The following TRDN variants were observed in gnomAD, a reference collection of about 807,000 sequenced individuals.
The protein encoded by TRDN is triadin in skeletal muscle.
In TRDN, 161 loss-of-function variants were observed where a neutral mutation model predicts 149.7. That is an observed-to-expected ratio of 1.08 (90% CI 0.95 to 1.23). The LOEUF (loss-of-function observed/expected upper bound fraction) is 1.23, where lower values mean the gene tolerates loss of function less well. Among genes scored for constraint, TRDN ranks in the 50% most tolerant of loss-of-function variants. The probability of loss-of-function intolerance (pLI) is 0.00; values close to 1 mark genes in which losing one functional copy is unlikely to be tolerated. For synonymous variants in TRDN, 294 were observed against 250.5 expected (o/e 1.17, Z -1.64); for missense variants, 896 against 823.5 (o/e 1.09, Z -1.08).
At position 123,469,647 on chromosome 6, in the gene TRDN, AC is replaced by A. The variant is rs1252042713; in HGVS notation, c.854-4665del. The stretch of plus-strand genomic sequence containing the variant: ...TTTTCTTCCTTCCAGGGGCTTCTCA[AC>A]CCCAAGGCAACCATAAAGTCCTATA... On this transcript the variant is annotated intron_variant, in intron 9 of 40. Transcript: ENST00000334268. 3 of 152,304 alleles carry A rather than the reference AC, an allele frequency of 2.0e-5. 1 individual carries two copies. Among genetic ancestry groups the A allele is most frequent in the African/African-American group, 4.8e-5 (2 of 41,494 alleles). The allele number at this position is 152,304 out of a possible 1,614,324, so 9.4% of individuals were successfully genotyped here.
chr6:123,468,227 C>A (rs928202364), intron 9 of TRDN, among the ~76,000 whole-genome samples: 2 of 152,104 alleles, frequency 1.3e-5, no homozygotes, highest in Non-Finnish European at 2.9e-5. Context: ...GGAATATATT[C>A]TTTTGGAATT....
At position 123,624,339 on chromosome 6, in the gene TRDN, C is replaced by T. The variant is rs564888395; in HGVS notation, c.22+12415G>A. Among the ~76,000 whole-genome samples the T allele has an allele frequency of 6.6e-5, 10 of 152,226 alleles. No homozygotes were observed. In the South Asian group the frequency reaches 1.9e-3, roughly 28 times the overall value. ...TTCTAGCCAGACCAACAAGACACTT[C>T]AAATCCTGAGGGACTGGGCAGAAAC... On this transcript the variant is annotated intron_variant, in intron 1 of 40. Coordinates refer to ENST00000334268, the MANE Select transcript of TRDN (RefSeq NM_006073.4).
intron 14 of TRDN, 118 bp downstream of exon 14, chr6:123,388,404 C>T: frequency 8.6e-7 from 1 of 1,159,090 alleles, no homozygotes; most frequent in South Asian, 1.3e-5. Context: ...AAAATGTATG[C>T]ACATAATAGA....
chr6:123,606,670 A>G (rs1159211009), intron 1 of TRDN, among the ~76,000 whole-genome samples: 5 of 152,104 alleles, frequency 3.3e-5, no homozygotes, highest in Non-Finnish European at 7.4e-5. Context: ...TATTTATTTA[A>G]TAACCCATTT....
intron 1 of TRDN, among the ~76,000 whole-genome samples, chr6:123,582,023 ATC>A (rs1783144944): frequency 6.6e-6 from 1 of 152,214 alleles, no homozygotes; most frequent in Admixed American, 6.5e-5. Flanking sequence ...CCCAAGGCAC[ATC>A]TCAAGAGGTC....
At chr6:123,417,149 C>A (rs1310722573) in intron 12 of TRDN, among the ~76,000 whole-genome samples, 1 of 152,188 alleles carries the variant, frequency 6.6e-6, no homozygotes, top group Non-Finnish European at 1.5e-5. Context: ...GATTTGCATA[C>A]CACCAAGGTC....
chr6:123,586,339 G>A (rs1025077180), intron 1 of TRDN, among the ~76,000 whole-genome samples: 4 of 152,126 alleles, frequency 2.6e-5, no homozygotes, highest in Non-Finnish European at 5.9e-5. Flanking sequence ...GCTCGGCCTG[G>A]CGAGGAGGGG....
intron 21 of TRDN, among the ~76,000 whole-genome samples, chr6:123,338,899 A>T (rs933908691): frequency 6.6e-6 from 1 of 152,206 alleles, no homozygotes; most frequent in Non-Finnish European, 1.5e-5. Context: ...AAATTGGGGA[A>T]GGTTTTCACT....
At chr6:123,521,164 T>A (rs1213518669) in intron 5 of TRDN, among the ~76,000 whole-genome samples, 2 of 152,272 alleles carry the variant, frequency 1.3e-5, no homozygotes, top group East Asian at 1.9e-4. Flanking sequence ...TCACCCTTTT[T>A]AAAAACAATC....
chr6:123,369,872 T>C (rs1037754337), intron 19 of TRDN, among the ~76,000 whole-genome samples: 1 of 152,072 alleles, frequency 6.6e-6, no homozygotes, highest in Non-Finnish European at 1.5e-5. Context: ...CCTCATCAGT[T>C]TTCTCCTTCA....
intron 23 of TRDN, among the ~76,000 whole-genome samples, chr6:123,331,669 A>C (rs773241166): frequency 4.2e-4 from 64 of 152,052 alleles, no homozygotes; most frequent in Non-Finnish European, 7.5e-4. Context: ...TTTTTGCAGT[A>C]TTTCTGATGC....
chr6:123,221,529 G>A lies in TRDN; in HGVS notation c.2015-7C>T, dbSNP rs771562817. ...GACACATCTTCAGTTCCTTCTAGTG[G>A]ATAAAAAATATAAAAGTAAATAACT... On this transcript the variant is annotated splice_region_variant and splice_polypyrimidine_tract_variant and intron_variant, in intron 39 of 40. Coordinates refer to ENST00000334268, the MANE Select transcript of TRDN (RefSeq NM_006073.4). The A allele has an allele frequency of 2.6e-6, 4 of 1,552,552 alleles. No homozygotes were observed. In the African/African-American group the frequency reaches 4.1e-5, roughly 16 times the overall value.
intron 23 of TRDN, among the ~76,000 whole-genome samples, chr6:123,323,152 G>A (rs1028933651): frequency 6.6e-6 from 1 of 152,116 alleles, no homozygotes; most frequent in Admixed American, 6.6e-5. Flanking sequence ...AAAATATGAA[G>A]CAGAATCCCT....
Position 123,382,122 on chromosome 6 carries a change from T to C in TRDN, c.1161A>G (p.Ala387=), listed in dbSNP as rs1781746328. ...AAAAAGAAATATGTCCAGTACCTTC[T>C]GCAGGTTTTTTTGTTTTCTTGGAAT... The part of the protein sequence containing the change: ...KEDSKKTKKP[A]EVEQPKGKKQ... The change falls in exon 15 of 41, where the codon GCA becomes GCG. Residue 387 remains alanine, a synonymous_variant. Transcript: ENST00000334268. 1 of 1,498,104 alleles carries C rather than the reference T, an allele frequency of 6.7e-7. No homozygotes were observed. Among genetic ancestry groups the C allele is most frequent in the East Asian group, 2.7e-5 (1 of 37,332 alleles). The allele number at this position is 1,498,104 out of a possible 1,614,324, so 92.8% of individuals were successfully genotyped here.
At chr6:123,351,508 C>A in intron 21 of TRDN, 1 of 983,182 alleles carries the variant, frequency 1.0e-6, no homozygotes, top group Non-Finnish European at 1.2e-6. Context: ...TCCCCAGAAG[C>A]CAGAATAAAT....
intron 12 of TRDN, among the ~76,000 whole-genome samples, chr6:123,403,568 T>C (rs1773072137): frequency 6.6e-6 from 1 of 152,094 alleles, no homozygotes; most frequent in Non-Finnish European, 1.5e-5. Flanking sequence ...TCCCAGAATG[T>C]GTGGGAAGAA....
At chr6:123,522,584 A>C (rs1346071444) in intron 5 of TRDN, among the ~76,000 whole-genome samples, 1 of 70,750 alleles carries the variant, frequency 1.4e-5, no homozygotes, top group Non-Finnish European at 2.7e-5. Context: ...TTATAATTTT[A>C]GTTGTTTCAG....
At chr6:123,307,180 A>G (rs1360924721) in intron 24 of TRDN, among the ~76,000 whole-genome samples, 2 of 152,124 alleles carry the variant, frequency 1.3e-5, no homozygotes, top group African/African-American at 4.8e-5. Flanking sequence ...AGGATTTAGA[A>G]GAAAAGATTA....
intron 12 of TRDN, among the ~76,000 whole-genome samples, chr6:123,397,703 TTTAGTAGAATATATGGTAACCCACA>T (rs1772790989): frequency 2.0e-5 from 3 of 152,210 alleles, no homozygotes; most frequent in Admixed American, 1.3e-4. Flanking sequence ...GAACTAGATT[TTTAGTAGAATATATGGTAACCCACA>T]TTGCAATTGG....
Sources: allele counts gnomAD v4.1 joint callset (sites outside exome capture counted in the v4.1 genomes callset), GRCh38; gene constraint gnomAD v4.1.1; transcripts MANE v1.5; gene names NCBI Gene and HGNC (gene_info 2026-07-23, HGNC 2026-07-21).